DIAPH2: variants seen among roughly 807,000 people sequenced by gnomAD.
DIAPH2 encodes the protein protein diaphanous homolog 2.
DIAPH2 carries 35 observed loss-of-function variants against 92.7 expected under a neutral mutation model. The observed-to-expected ratio is 0.38, with a 90% CI of 0.29 to 0.50. The LOEUF is 0.50. DIAPH2 is among the 20% of genes least tolerant of loss of function. The pLI is 0.94. For missense variants in DIAPH2, 701 were observed against 819.5 expected (o/e 0.86, Z 1.77); for synonymous variants, 301 against 280.4 (o/e 1.07, Z -0.73).
At position 96,685,127 on chromosome X, in the gene DIAPH2, C is replaced by T. The variant is rs1178422633; in HGVS notation, c.69C>T (p.Ser23=). 1 of 1,016,510 alleles carries T rather than the reference C, an allele frequency of 9.8e-7. No individual in the cohort carries two copies. Among genetic ancestry groups the T allele is most frequent in the Admixed American group, 4.4e-5 (1 of 22,509 alleles). The allele number at this position is 1,016,510 out of a possible 1,213,427, so 83.8% of individuals were successfully genotyped here. A position where few individuals can be genotyped will look rare whatever the true frequency, so the allele number is the denominator to read the frequency against. The part of the protein sequence containing the change: ...GGSEEPGGGR[S]NKRSAGNRAA... ...GCGAGGAACCCGGTGGGGGCCGGAGCAACAAGCGGAGCGCGGGGAACCGGG... is the reference window on the plus strand; with the variant it reads ...GCGAGGAACCCGGTGGGGGCCGGAGTAACAAGCGGAGCGCGGGGAACCGGG... Residue 23 remains serine (S), a synonymous_variant, in exon 1 of 27, where the codon AGC becomes AGT. Coordinates refer to ENST00000324765, the MANE Select transcript of DIAPH2 (RefSeq NM_006729.5).
chrX:97,127,788 C>G (rs1032923653), intron 21 of DIAPH2, among the ~76,000 whole-genome samples: 1 of 112,370 alleles, frequency 8.9e-6, no homozygotes, highest in African/African-American at 3.2e-5. Flanking sequence ...AGGCAGATCA[C>G]TTGAGCTCAG....
At chrX:97,397,721 G>T (rs987429268) in intron 25 of DIAPH2, among the ~76,000 whole-genome samples, 4 of 111,528 alleles carry the variant, frequency 3.6e-5, no homozygotes, top group Non-Finnish European at 7.5e-5. Flanking sequence ...ATAATTTTAC[G>T]CAGTTGAGTG....
intron 22 of DIAPH2, among the ~76,000 whole-genome samples, chrX:97,195,284 G>A (rs1330255344): frequency 8.9e-6 from 1 of 112,034 alleles, no homozygotes; most frequent in Non-Finnish European, 1.9e-5. Flanking sequence ...AAATATTAAA[G>A]TGTAACTTCA....
chrX:97,270,770 A>G (rs1205607328), intron 23 of DIAPH2, among the ~76,000 whole-genome samples: 1 of 111,043 alleles, frequency 9.0e-6, no homozygotes, highest in Non-Finnish European at 1.9e-5. Flanking sequence ...CTGACACTAC[A>G]TAGACTAAAC....
intron 22 of DIAPH2, among the ~76,000 whole-genome samples, chrX:97,210,653 A>G (rs185022819): frequency 8.2e-4 from 92 of 111,697 alleles, no homozygotes; most frequent in African/African-American, 2.9e-3. Context: ...AAAAGAAACC[A>G]GTTCTGGGCC....
rs957756911 is a variant in DIAPH2, at chrX:97,003,960, T to TTA, written c.2050+38760_2050+38761dup. 5.4e-5 allele frequency among the ~76,000 whole-genome samples: 6 copies of TTA among 111,856 alleles called. No individual in the cohort carries two copies. The East Asian group carries it at 1.7e-3, about 31-fold the overall frequency. Reference sequence around the variant, plus strand: ...GAGGTCTTATAATCTATTTTGATTTTTATATATAGTGAGAGATAGGGGCTA... The same window carrying TTA: ...GAGGTCTTATAATCTATTTTGATTTTTATATATATAGTGAGAGATAGGGGCTA... On this transcript the variant is annotated intron_variant, in intron 17 of 26. Transcript: ENST00000324765.
chrX:96,803,767 C>T (rs780484827), intron 4 of DIAPH2, among the ~76,000 whole-genome samples: 30 of 112,318 alleles, frequency 2.7e-4, no homozygotes, highest in African/African-American at 9.0e-4. Context: ...TGGCTGGGTG[C>T]GGTGGCTCAC....
At chrX:96,840,784 T>TTG (rs1287710204) in intron 4 of DIAPH2, among the ~76,000 whole-genome samples, 2 of 108,962 alleles carry the variant, frequency 1.8e-5, no homozygotes, top group Admixed American at 2.0e-4. Context: ...AATTTTTTTT[T>TTG]TTGTATTTTT....
At chrX:97,421,535 A>G (rs2070008287) in intron 25 of DIAPH2, among the ~76,000 whole-genome samples, 1 of 111,517 alleles carries the variant, frequency 9.0e-6, no homozygotes, top group Non-Finnish European at 1.9e-5. Context: ...GTCAACTTCC[A>G]TTTACTACTG....
At chrX:97,001,205 A>T (rs776238204) in intron 17 of DIAPH2, among the ~76,000 whole-genome samples, 10 of 112,005 alleles carry the variant, frequency 8.9e-5, no homozygotes, top group Non-Finnish European at 1.5e-4. Context: ...TCCCTTCACA[A>T]CACCAGTGGG....
intron 4 of DIAPH2, among the ~76,000 whole-genome samples, chrX:96,876,610 G>A (rs986863597): frequency 1.8e-5 from 2 of 111,435 alleles, no homozygotes; most frequent in Non-Finnish European, 3.8e-5. Flanking sequence ...GTCCTTTGTA[G>A]GGACATGGAT....
rs748045820 is a variant in DIAPH2, at chrX:97,587,743, C to CT, written c.3242-11507dup. Among the ~76,000 whole-genome samples, 23 of 112,042 alleles carry CT rather than the reference C, an allele frequency of 2.1e-4. No homozygotes were observed. The East Asian group carries it at 6.1e-3, about 30-fold the overall frequency. The stretch of plus-strand genomic sequence containing the variant: ...TGTAATATGATCGTGATGCTAAAAT[C>CT]TTTGGAATTTGGCTCTCACAATATC... On this transcript the variant is annotated intron_variant, in intron 26 of 26. Coordinates refer to ENST00000324765, the MANE Select transcript of DIAPH2 (RefSeq NM_006729.5).
At chrX:96,711,804 T>C (rs1399067513) in intron 1 of DIAPH2, among the ~76,000 whole-genome samples, 3 of 111,504 alleles carry the variant, frequency 2.7e-5, no homozygotes, top group Non-Finnish European at 5.7e-5. Context: ...CTGCTGTTGC[T>C]GTGTTTATCT....
chrX:97,288,726 G>A (rs1469877920), intron 23 of DIAPH2, among the ~76,000 whole-genome samples: 5 of 100,686 alleles, frequency 5.0e-5, no homozygotes, highest in African/African-American at 1.5e-4. Flanking sequence ...GGGTGACAGC[G>A]CGAGACTCTG....
At chrX:97,510,476 G>T (rs931470547) in intron 26 of DIAPH2, among the ~76,000 whole-genome samples, 4 of 110,913 alleles carry the variant, frequency 3.6e-5, no homozygotes, top group Non-Finnish European at 7.5e-5. Context: ...TCACTCTGAA[G>T]GTGGTTTCTT....
chrX:96,912,555 A>G lies in DIAPH2; in HGVS notation c.732+3A>G. The G allele has an allele frequency of 8.5e-7, 1 of 1,174,545 alleles. No individual in the cohort carries two copies. ...TCAAAGCATTTATGAATAATAAGGT[A>G]AGTAGTATTTATTTCTGCCCCTGTC... On this transcript the variant is annotated splice_donor_region_variant and intron_variant, in intron 7 of 26. Transcript: ENST00000324765.
chrX:97,221,606 C>G (rs2067925957), intron 22 of DIAPH2, among the ~76,000 whole-genome samples: 1 of 111,816 alleles, frequency 8.9e-6, no homozygotes, highest in Non-Finnish European at 1.9e-5. Flanking sequence ...TGAGAGCATT[C>G]ATTTAATTTA....
chrX:96,800,506 A>G (rs1376916961), intron 4 of DIAPH2, among the ~76,000 whole-genome samples: 1 of 111,877 alleles, frequency 8.9e-6, no homozygotes, highest in African/African-American at 3.3e-5. Flanking sequence ...TCAGAGTGCA[A>G]GGTTTTCACT....
intron 26 of DIAPH2, among the ~76,000 whole-genome samples, chrX:97,583,841 G>A (rs1288551845): frequency 1.8e-5 from 2 of 111,544 alleles, no homozygotes; most frequent in Non-Finnish European, 3.8e-5. Context: ...GTGGGGTAGG[G>A]CCCTCCGAGC....
Sources: allele counts gnomAD v4.1 joint callset (sites outside exome capture counted in the v4.1 genomes callset), GRCh38; gene constraint gnomAD v4.1.1; transcripts MANE v1.5; gene names NCBI Gene and HGNC (gene_info 2026-07-23, HGNC 2026-07-21).